The following PHAF1 variants were observed in gnomAD, a reference collection of about 807,000 sequenced individuals.
PHAF1 encodes phagophore assembly factor 1, also known as phagosome assembly factor 1.
A neutral mutation model predicts 63.1 loss-of-function variants in PHAF1; 23 were observed. That is an observed-to-expected ratio of 0.36 (90% confidence interval 0.26 to 0.52). The LOEUF is 0.52. PHAF1 is among the 20% of genes least tolerant of loss of function. PHAF1 has a pLI of 0.93. For synonymous variants in PHAF1, 167 were observed against 185.0 expected, an observed-to-expected ratio of 0.90 and a Z score of 0.79; for missense variants, 427 against 517.2, an observed-to-expected ratio of 0.83 and a Z score of 1.69.
At chr16:67,120,809 G>A (rs1799176984) in intron 2 of PHAF1, among the ~76,000 whole-genome samples, 1 of 151,962 alleles carries the variant, frequency 6.6e-6, no homozygotes, top group African/African-American at 2.4e-5. Flanking sequence ...TGTCCCCAGT[G>A]ACTTTTCTGA....
intron 1 of PHAF1, among the ~76,000 whole-genome samples, chr16:67,119,300 C>A (rs998719796): frequency 4.6e-5 from 7 of 152,166 alleles, no homozygotes; most frequent in African/African-American, 9.7e-5. Flanking sequence ...TCTCTGAGCG[C>A]TTGTCTGTGT....
chr16:67,123,806 G>A (rs1042210328), intron 2 of PHAF1, among the ~76,000 whole-genome samples: 2 of 152,092 alleles, frequency 1.3e-5, no homozygotes, highest in Admixed American at 6.6e-5. Flanking sequence ...CATTTTGTCT[G>A]CATTAAACAT....
chr16:67,132,587 C>T (rs1457349681), intron 5 of PHAF1, 62 bp downstream of exon 5: 14 of 1,515,910 alleles, frequency 9.2e-6, no homozygotes, highest in African/African-American at 5.5e-5. Context: ...TAAACCTGCC[C>T]GGTAGTGCCA....
chr16:67,134,466 A>G lies in PHAF1; in HGVS notation c.660A>G (p.Ala220=), dbSNP rs1963534942. 1 of 1,606,948 alleles carries G rather than the reference A, an allele frequency of 6.2e-7. No individual in the cohort carries two copies. ...GTTTACGACTTCGCCTACTTGCTGC[A>G]GGTCAGTGACTGGCTTTGAGGTTGG... ...PAGLRLRLLA[A]GCGPGLLADA... The change falls in exon 8 of 16, where the codon GCA becomes GCG. Residue 220 remains alanine (A), a splice_region_variant and synonymous_variant. Coordinates refer to ENST00000219139, the MANE Select transcript of PHAF1 (RefSeq NM_025187.5).
chr16:67,119,999 AG>A, intron 1 of PHAF1, 112 bp from the exon 2 acceptor site: 1 of 775,290 alleles, frequency 1.3e-6, no homozygotes, highest in East Asian at 2.5e-5. Context: ...TGTAGACCTT[AG>A]TAGCCCCCAA....
In PHAF1 at chr16:67,132,922, C is replaced by T. The variant is rs747499328; in HGVS notation, c.450+11C>T. On this transcript the variant is annotated intron_variant, in intron 6 of 15. Transcript: ENST00000219139. ...GCTCCAAAGTATGAGGTTAGCCCTT[C>T]CTGTCCCCTGGTGTTTGTTGTATGT... 3 of 1,578,728 alleles carry T rather than the reference C, an allele frequency of 1.9e-6. No individual in the cohort carries two copies. Among genetic ancestry groups the T allele is most frequent in the South Asian group, 1.1e-5 (1 of 90,028 alleles).
At chr16:67,132,352 T>G in intron 4 of PHAF1, 94 bp from the exon 5 acceptor site, 1 of 1,105,896 alleles carries the variant, frequency 9.0e-7, no homozygotes, top group Non-Finnish European at 1.3e-6. Context: ...CTCACCTGCC[T>G]GTGTCTTAAA....
intron 15 of PHAF1, among the ~76,000 whole-genome samples, 189 bp from the exon 16 acceptor site, chr16:67,146,856 T>C (rs2030134162): frequency 6.6e-6 from 1 of 152,150 alleles, no homozygotes; most frequent in Admixed American, 6.5e-5. Context: ...AAAGGCTGTG[T>C]GTAACCATTG....
intron 3 of PHAF1, among the ~76,000 whole-genome samples, chr16:67,130,638 C>T (rs1464527846): frequency 1.3e-5 from 2 of 152,190 alleles, no homozygotes; most frequent in Non-Finnish European, 2.9e-5. Flanking sequence ...CGTGAGCCAC[C>T]GTGCCCGGCT....
intron 8 of PHAF1, 53 bp downstream of exon 8, chr16:67,134,520 C>T (rs1963537069): frequency 6.9e-7 from 1 of 1,447,486 alleles, no homozygotes; most frequent in African/African-American, 1.4e-5. Context: ...CATGTTGAGA[C>T]AGTCTAAAAT....
chr16:67,110,952 C>T (rs1962488264), intron 1 of PHAF1, among the ~76,000 whole-genome samples: 1 of 152,172 alleles, frequency 6.6e-6, no homozygotes, highest in Non-Finnish European at 1.5e-5. Flanking sequence ...GCTAGGATTA[C>T]AGGCACGCGC....
intron 10 of PHAF1, among the ~76,000 whole-genome samples, chr16:67,143,932 T>C (rs553406324): frequency 6.6e-6 from 1 of 150,822 alleles, no homozygotes; most frequent in East Asian, 2.0e-4. Context: ...CTACTAAAAA[T>C]AAAAATAAAT....
intron 3 of PHAF1, 105 bp from the exon 4 acceptor site, chr16:67,131,180 GT>G (rs71145961): frequency 0.064 from 15,919 of 248,506 alleles, 71 homozygotes; most frequent in East Asian, 0.09. Flanking sequence ...ATTGGTAATA[GT>G]TTTTTTTTTT....
chr16:67,125,600 T>C (rs1399265441), intron 2 of PHAF1, among the ~76,000 whole-genome samples: 1 of 152,176 alleles, frequency 6.6e-6, no homozygotes, highest in East Asian at 1.9e-4. Flanking sequence ...CACCAACTGC[T>C]CTGTAGGTTC....
At chr16:67,110,861 A>G (rs1962484142) in intron 1 of PHAF1, among the ~76,000 whole-genome samples, 1 of 151,396 alleles carries the variant, frequency 6.6e-6, no homozygotes, top group Non-Finnish European at 1.5e-5. Flanking sequence ...CCCAGGCTGG[A>G]GTGCTGTTGC....
intron 3 of PHAF1, among the ~76,000 whole-genome samples, chr16:67,130,191 C>T (rs970836795): frequency 1.0e-4 from 15 of 149,766 alleles, no homozygotes; most frequent in South Asian, 4.2e-4. Flanking sequence ...GGACTACAGG[C>T]GCCCACCACC....
At chr16:67,138,150 C>A (rs1396134859) in intron 8 of PHAF1, among the ~76,000 whole-genome samples, 1 of 152,040 alleles carries the variant, frequency 6.6e-6, no homozygotes. Context: ...AGGGTGCCTT[C>A]CTTACAGCCC....
chr16:67,146,608 A>C (rs1188481856), intron 15 of PHAF1, among the ~76,000 whole-genome samples: 1 of 152,236 alleles, frequency 6.6e-6, no homozygotes, highest in Non-Finnish European at 1.5e-5. Flanking sequence ...AACGGATCCC[A>C]AGTTTCTATC....
At chr16:67,113,802 G>A (rs1288253666) in intron 1 of PHAF1, among the ~76,000 whole-genome samples, 2 of 150,050 alleles carry the variant, frequency 1.3e-5, no homozygotes, top group Non-Finnish European at 1.5e-5. Context: ...AGGCTGGAGT[G>A]CAGTGGCGTG....
Sources: allele counts gnomAD v4.1 joint callset (sites outside exome capture counted in the v4.1 genomes callset), GRCh38; gene constraint gnomAD v4.1.1; transcripts MANE v1.5; gene names NCBI Gene and HGNC (gene_info 2026-07-23, HGNC 2026-07-21).